Variants in CTNND2 observed in about 807,000 individuals in gnomAD.
CTNND2 encodes catenin delta-2.
CTNND2 carries 22 observed loss-of-function variants against 144.4 expected under a neutral mutation model. The observed-to-expected ratio is 0.15, with a 90% CI of 0.11 to 0.22. The LOEUF is 0.22. CTNND2 is among the 10% of genes least tolerant of loss of function. The probability of loss-of-function intolerance (pLI) is 1.00; values close to 1 mark genes in which losing one functional copy is unlikely to be tolerated. For synonymous variants in CTNND2, 751 were observed against 695.6 expected, an observed-to-expected ratio of 1.08 and a Z score of -1.25; for missense variants, 1,353 against 1,618.8, an observed-to-expected ratio of 0.84 and a Z score of 2.82.
chr5:11,486,280 C>T (rs567323094), intron 3 of CTNND2, among the ~76,000 whole-genome samples: 1 of 152,144 alleles, frequency 6.6e-6, no homozygotes, highest in Admixed American at 6.5e-5. Flanking sequence ...GTAGATCACA[C>T]TGGGTGATAA....
chr5:11,724,803 G>A (rs1244958714), intron 2 of CTNND2, among the ~76,000 whole-genome samples: 2 of 152,282 alleles, frequency 1.3e-5, no homozygotes, highest in East Asian at 3.9e-4. Context: ...ATCACTCCAA[G>A]ATGTGTAACT....
chr5:11,813,576 T>C (rs569799206), intron 1 of CTNND2, among the ~76,000 whole-genome samples: 1 of 152,234 alleles, frequency 6.6e-6, no homozygotes, highest in Non-Finnish European at 1.5e-5. Context: ...GCAACAGATA[T>C]TTTTGGTGAT....
At chr5:11,777,934 T>A (rs4642367) in intron 1 of CTNND2, among the ~76,000 whole-genome samples, 2 of 152,296 alleles carry the variant, frequency 1.3e-5, no homozygotes, top group South Asian at 4.1e-4. Context: ...TATTTGGACC[T>A]AAAGTAGTCC....
At chr5:11,846,071 T>C (rs563976470) in intron 1 of CTNND2, among the ~76,000 whole-genome samples, 15 of 152,230 alleles carry the variant, frequency 9.9e-5, no homozygotes, top group Admixed American at 2.0e-4. Flanking sequence ...ATTCCAAATA[T>C]AGGAGCGAAT....
Position 11,147,020 on chromosome 5 carries a change from C to T in CTNND2, c.2159+12556G>A, listed in dbSNP as rs1757304873. Among the ~76,000 whole-genome samples, 3 of 152,186 alleles carry T rather than the reference C, an allele frequency of 2.0e-5. No homozygotes were observed. In the South Asian group the frequency reaches 6.2e-4, roughly 32 times the overall value. On this transcript the variant is annotated intron_variant, in intron 12 of 21. Coordinates refer to ENST00000304623, the MANE Select transcript of CTNND2 (RefSeq NM_001332.4). ...CAGGACAGTTATTAGGCAGCTGGCA[C>T]AGCAGAAAAAGAAGGGCCATTCATC...
chr5:11,039,563 T>TA (rs1744466478), intron 16 of CTNND2, among the ~76,000 whole-genome samples: 2 of 152,138 alleles, frequency 1.3e-5, no homozygotes, highest in African/African-American at 4.8e-5. Context: ...TTGATTTTTT[T>TA]AAAAAATGAA....
chr5:11,017,563 C>CATATAT (rs56181554), intron 18 of CTNND2, among the ~76,000 whole-genome samples: 4 of 142,810 alleles, frequency 2.8e-5, no homozygotes, highest in South Asian at 2.2e-4. Context: ...GATATATATA[C>CATATAT]ATATATATAT....
At chr5:11,399,332 G>C (rs1760429631) in intron 5 of CTNND2, among the ~76,000 whole-genome samples, 1 of 152,176 alleles carries the variant, frequency 6.6e-6, no homozygotes. Context: ...ATAGAATGAA[G>C]TAAATAAACA....
chr5:11,822,124 C>G (rs369694723), intron 1 of CTNND2, among the ~76,000 whole-genome samples: 1 of 151,922 alleles, frequency 6.6e-6, no homozygotes, highest in East Asian at 1.9e-4. Flanking sequence ...AATATAATGT[C>G]AATATTATCT....
chr5:11,761,975 T>A (rs1789290829), intron 1 of CTNND2, among the ~76,000 whole-genome samples: 1 of 152,148 alleles, frequency 6.6e-6, no homozygotes, highest in African/African-American at 2.4e-5. Flanking sequence ...ATATATAGAT[T>A]AAGTGACATT....
chr5:11,315,771 G>A (rs2522036), intron 9 of CTNND2, among the ~76,000 whole-genome samples: 1 of 152,150 alleles, frequency 6.6e-6, no homozygotes, highest in Non-Finnish European at 1.5e-5. Flanking sequence ...CCTACCTATG[G>A]AAGTGGATGG....
At chr5:11,313,007 G>A (rs1287879078) in intron 9 of CTNND2, among the ~76,000 whole-genome samples, 1 of 152,066 alleles carries the variant, frequency 6.6e-6, no homozygotes, top group African/African-American at 2.4e-5. Flanking sequence ...ACATCCATTG[G>A]AGCAGGTCAG....
At chr5:11,436,447 A>G (rs1763783903) in intron 3 of CTNND2, among the ~76,000 whole-genome samples, 1 of 152,210 alleles carries the variant, frequency 6.6e-6, no homozygotes, top group South Asian at 2.1e-4. Context: ...GAGAGAAAAT[A>G]CAAGATTTTA....
At chr5:10,980,742 C>A (rs1737127098) in intron 21 of CTNND2, among the ~76,000 whole-genome samples, 1 of 152,130 alleles carries the variant, frequency 6.6e-6, no homozygotes, top group Non-Finnish European at 1.5e-5. Context: ...AGTTCATGTC[C>A]TTTGCAGGGA....
intron 9 of CTNND2, among the ~76,000 whole-genome samples, chr5:11,280,496 G>A (rs1747002516): frequency 6.6e-6 from 1 of 152,194 alleles, no homozygotes; most frequent in Admixed American, 6.5e-5. Flanking sequence ...GCCCTCACAT[G>A]ATGGAGAGAG....
At chr5:11,328,066 C>A (rs1186725176) in intron 9 of CTNND2, among the ~76,000 whole-genome samples, 1 of 152,060 alleles carries the variant, frequency 6.6e-6, no homozygotes. Flanking sequence ...CTGTAGAAAC[C>A]ATTTCATTCC....
intron 1 of CTNND2, among the ~76,000 whole-genome samples, chr5:11,807,682 T>C (rs1053560642): frequency 6.6e-6 from 1 of 152,160 alleles, no homozygotes; most frequent in Non-Finnish European, 1.5e-5. Context: ...AAGCCCACTC[T>C]AAAACACTGT....
chr5:11,156,133 T>G (rs1011658418), intron 12 of CTNND2, among the ~76,000 whole-genome samples: 5 of 152,338 alleles, frequency 3.3e-5, no homozygotes, highest in East Asian at 1.9e-4. Context: ...TAAGCCTGCA[T>G]GAAATTGTCT....
chr5:11,743,517 T>C (rs986037641), intron 1 of CTNND2, among the ~76,000 whole-genome samples: 3 of 152,082 alleles, frequency 2.0e-5, no homozygotes, highest in Non-Finnish European at 2.9e-5. Flanking sequence ...AGCTTGCAAA[T>C]ATAGAATCTG....
Sources: gnomAD v4.1 joint callset for allele counts (sites outside exome capture counted in the v4.1 genomes callset) on GRCh38, gnomAD v4.1.1 for gene constraint, MANE v1.5 for transcripts, NCBI Gene and HGNC (gene_info 2026-07-23, HGNC 2026-07-21) for gene names.